Variants in PTS observed in about 807,000 individuals in gnomAD.
The protein encoded by PTS is 6-pyruvoyl tetrahydrobiopterin synthase.
A neutral mutation model predicts 20.6 loss-of-function variants in PTS; 23 were observed. That is an observed-to-expected ratio of 1.12 (90% CI 0.80 to 1.58). The LOEUF (loss-of-function observed/expected upper bound fraction) is 1.58. Ranked by LOEUF, PTS falls within the 40% of genes most tolerant of loss-of-function variation. The pLI, the probability that PTS is intolerant of heterozygous loss-of-function variation, is 0.00. For missense variants in PTS, 186 were observed against 182.4 expected (o/e 1.02, Z -0.11); for synonymous variants, 65 against 62.5 (o/e 1.04, Z -0.19).
At chr11:112,228,767 C>A in intron 2 of PTS, 94 bp downstream of exon 2, 2 of 1,091,408 alleles carry the variant, frequency 1.8e-6, no homozygotes, top group Non-Finnish European at 2.8e-6. Context: ...CTTACGGACA[C>A]AGTGTGAATG....
chr11:112,232,859 G>A (rs1359952396), intron 4 of PTS, among the ~76,000 whole-genome samples: 1 of 152,220 alleles, frequency 6.6e-6, no homozygotes, highest in African/African-American at 2.4e-5. Flanking sequence ...TTCACAAAGT[G>A]TTAAACTGAA....
At chr11:112,230,801 G>A (rs1859920351) in intron 4 of PTS, 119 bp downstream of exon 4, 3 of 919,246 alleles carry the variant, frequency 3.3e-6, no homozygotes, top group Middle Eastern at 2.1e-4. Context: ...AATAGAACTG[G>A]ATGTGGGTGT....
rs186524577 is a variant in PTS at position 112,229,964 on chromosome 11, T to A, written c.164-244T>A. The A allele has an allele frequency of 5.6e-5, 32 of 569,384 alleles. No homozygotes were observed. In the Admixed American group the frequency reaches 8.5e-4, roughly 15 times the overall value. 35.3% of individuals were successfully genotyped at this position (569,384 alleles called of 1,614,324 possible). On this transcript the variant is annotated intron_variant, in intron 2 of 5. Coordinates refer to ENST00000280362, the MANE Select transcript of PTS (RefSeq NM_000317.3). The stretch of plus-strand genomic sequence containing the variant: ...TACACCCTTTTCAGCCTTGGCCGAG[T>A]GCCTCTGCTTAGCCAACATTCCTAC...
chr11:112,230,163 T>C (rs761252792), intron 2 of PTS, 45 bp from the exon 3 acceptor site: 1 of 1,585,894 alleles, frequency 6.3e-7, no homozygotes, highest in South Asian at 1.1e-5. Context: ...TGTTGATCTG[T>C]TGAAAGTCAT....
chr11:112,233,392 C>T (rs1859968636), intron 5 of PTS, 40 bp from the exon 6 acceptor site: 5 of 1,562,438 alleles, frequency 3.2e-6, no homozygotes, highest in Admixed American at 1.9e-5. Flanking sequence ...TTATTGTTTG[C>T]ATTTTGAATT....
chr11:112,226,591 G>GGGGCC (rs1859867951), intron 1 of PTS, 65 bp downstream of exon 1: 3 of 1,397,888 alleles, frequency 2.1e-6, no homozygotes, highest in African/African-American at 3.0e-5. Context: ...TCACCGGGGC[G>GGGGCC]GGGCCGGCGG....
In PTS at chr11:112,226,440, G is replaced by C; in HGVS notation, c.-4G>C. ...GGCCGAGCACCGCAGACAGCGCCGG[G>C]AAGATGAGCACGGAAGGTGGTGGCC... On this transcript the variant is annotated 5_prime_UTR_variant, in exon 1 of 6. Transcript: ENST00000280362. 1 of 1,577,812 alleles carries C rather than the reference G, an allele frequency of 6.3e-7. No homozygotes were observed. The highest frequency in any genetic ancestry group is 8.6e-7 in the Non-Finnish European group (1 of 1,163,834).
rs1302298899 is a variant in PTS, at chr11:112,233,627, A to AT, written c.*74dup. On this transcript the variant is annotated 3_prime_UTR_variant, in exon 6 of 6. Coordinates refer to ENST00000280362, the MANE Select transcript of PTS (RefSeq NM_000317.3). ...AAAAAGATTTTGATCCCCTTGGAAT[A>AT]TTAAGAGGTCAACACGTGATTGTTG... 3 of 1,603,826 alleles carry AT rather than the reference A, an allele frequency of 1.9e-6. No individual in the cohort carries two copies. The African/African-American group carries it at 4.0e-5, about 21-fold the overall frequency.
At chr11:112,233,391 G>T in intron 5 of PTS, 41 bp from the exon 6 acceptor site, 1 of 1,563,542 alleles carries the variant, frequency 6.4e-7, no homozygotes, top group Non-Finnish European at 8.7e-7. Flanking sequence ...TTTATTGTTT[G>T]CATTTTGAAT....
chr11:112,230,510 A>C, intron 3 of PTS, 116 bp from the exon 4 acceptor site: 1 of 981,002 alleles, frequency 1.0e-6, no homozygotes, highest in Middle Eastern at 2.1e-4. Flanking sequence ...TCTGGGATGA[A>C]GGCAAATGTG....
chr11:112,228,758 T>G lies in PTS; in HGVS notation c.163+85T>G, dbSNP rs907227163. The G allele has an allele frequency of 9.8e-6, 12 of 1,219,814 alleles. No homozygotes were observed. The Admixed American group carries it at 2.2e-4, about 22-fold the overall frequency. 75.6% of individuals were successfully genotyped at this position (1,219,814 alleles called of 1,614,324 possible). A position where few individuals can be genotyped will look rare whatever the true frequency, so the allele number is the denominator to read the frequency against. On this transcript the variant is annotated intron_variant, in intron 2 of 5. Coordinates refer to ENST00000280362, the MANE Select transcript of PTS (RefSeq NM_000317.3). ...ATGTAGACATAAAGAATGGGAAAAC[T>G]TACGGACACAGTGTGAATGCTTTGA...
Position 112,233,576 on chromosome 11 carries a change from C to G in PTS, c.*21C>G. On this transcript the variant is annotated 3_prime_UTR_variant, in exon 6 of 6. Coordinates refer to ENST00000280362, the MANE Select transcript of PTS (RefSeq NM_000317.3). ...AATAGCTATTGGGGTTAGCATTGCA[C>G]AAAGCCCAGTTTCTTTCTGTGTTTG... 2 of 1,612,914 alleles carry G rather than the reference C, an allele frequency of 1.2e-6. No homozygotes were observed. Among genetic ancestry groups the G allele is most frequent in the Non-Finnish European group, 1.7e-6 (2 of 1,179,522 alleles).
chr11:112,232,961 C>G (rs554128399), intron 4 of PTS, among the ~76,000 whole-genome samples: 2 of 152,282 alleles, frequency 1.3e-5, no homozygotes, highest in African/African-American at 4.8e-5. Context: ...ACAAGGATTC[C>G]TAATCATTAC....
intron 2 of PTS, among the ~76,000 whole-genome samples, chr11:112,229,763 A>G (rs181879758): frequency 7.9e-4 from 121 of 152,312 alleles, no homozygotes; most frequent in Middle Eastern, 3.4e-3. Flanking sequence ...GTATACATTC[A>G]TGTGAGTAAG....
At chr11:112,229,490 C>G (rs898854702) in intron 2 of PTS, 2 of 152,002 alleles carry the variant, frequency 1.3e-5, no homozygotes, top group African/African-American at 4.8e-5. Flanking sequence ...CTCCCAGGTT[C>G]GAGCGATTCT....
intron 2 of PTS, 82 bp downstream of exon 2, chr11:112,228,755 A>T: frequency 8.0e-7 from 1 of 1,249,352 alleles, no homozygotes; most frequent in Non-Finnish European, 1.2e-6. Context: ...AGAATGGGAA[A>T]ACTTACGGAC....
chr11:112,228,299 T>C lies in PTS; in HGVS notation c.84-295T>C. 7.0e-6 allele frequency: 3 copies of C among 425,544 alleles called. No individual in the cohort carries two copies. The South Asian group carries it at 8.3e-5, about 12-fold the overall frequency. 26.4% of individuals were successfully genotyped at this position (425,544 alleles called of 1,614,324 possible). A position where few individuals can be genotyped will look rare whatever the true frequency, so the allele number is the denominator to read the frequency against. ...TTGTAGGCACTCAGTAATGTTGAAT[T>C]GAAAAGTGGAAGGCCCATGAGCAGA... On this transcript the variant is annotated intron_variant, in intron 1 of 5. Transcript: ENST00000280362.
chr11:112,227,123 C>T (rs930070568), intron 1 of PTS, among the ~76,000 whole-genome samples: 3 of 151,688 alleles, frequency 2.0e-5, no homozygotes, highest in Non-Finnish European at 2.9e-5. Flanking sequence ...GGATTTGAAT[C>T]CCGATCATAC....
rs909036073 is a variant in PTS at position 112,228,689 on chromosome 11, A to G, written c.163+16A>G. 6.3e-7 allele frequency: 1 copy of G among 1,597,684 alleles called. No individual in the cohort carries two copies. The highest frequency in any genetic ancestry group is 8.6e-7 in the Non-Finnish European group (1 of 1,165,802). On this transcript the variant is annotated intron_variant, in intron 2 of 5. Transcript: ENST00000280362. ...AATTATAAAGGTGAGAGAAAAACTG[A>G]TGACATTTCAGCCCTTCAATAAGGA...
Sources: allele counts gnomAD v4.1 joint callset (sites outside exome capture counted in the v4.1 genomes callset), GRCh38; gene constraint gnomAD v4.1.1; transcripts MANE v1.5; gene names NCBI Gene and HGNC (gene_info 2026-07-23, HGNC 2026-07-21).